The following EPB41L4B variants were observed in gnomAD, a reference collection of about 807,000 sequenced individuals.
EPB41L4B encodes the protein band 4.1-like protein 4B.
A neutral mutation model predicts 112.5 loss-of-function variants in EPB41L4B; 30 were observed. The observed-to-expected ratio is 0.27, with a 90% CI of 0.20 to 0.36. The LOEUF is 0.36. Among genes scored for constraint, EPB41L4B ranks in the 10% least tolerant of loss-of-function variants. The pLI is 1.00. For synonymous variants in EPB41L4B, 408 were observed against 439.7 expected (o/e 0.93, Z 0.90); for missense variants, 1,024 against 1,133.3 (o/e 0.90, Z 1.38).
chr9:109,289,174 C>G (rs527939674), intron 1 of EPB41L4B, among the ~76,000 whole-genome samples: 4 of 152,132 alleles, frequency 2.6e-5, no homozygotes, highest in Admixed American at 1.3e-4. Context: ...ACCCATCAAC[C>G]CTGCCTAACC....
chr9:109,222,631 C>T (rs1393728070), intron 15 of EPB41L4B, among the ~76,000 whole-genome samples: 1 of 152,166 alleles, frequency 6.6e-6, no homozygotes, highest in Non-Finnish European at 1.5e-5. Flanking sequence ...CATGAGACTC[C>T]TGGCATTCTG....
At chr9:109,287,253 G>T (rs1031865071) in intron 1 of EPB41L4B, among the ~76,000 whole-genome samples, 1 of 152,186 alleles carries the variant, frequency 6.6e-6, no homozygotes, top group African/African-American at 2.4e-5. Context: ...AAGGGAGACT[G>T]CTGGACAGCT....
At chr9:109,236,751 C>T (rs1203800329) in intron 15 of EPB41L4B, among the ~76,000 whole-genome samples, 2 of 152,244 alleles carry the variant, frequency 1.3e-5, no homozygotes, top group East Asian at 1.9e-4. Flanking sequence ...TTTTGATATC[C>T]CCAGGGTTTC....
intron 1 of EPB41L4B, among the ~76,000 whole-genome samples, chr9:109,314,411 T>C (rs1425193599): frequency 2.0e-5 from 3 of 152,226 alleles, no homozygotes; most frequent in Non-Finnish European, 2.9e-5. Context: ...AATGAGATTA[T>C]GCACGTGAAA....
At chr9:109,190,922 C>G (rs1832437513) in intron 22 of EPB41L4B, among the ~76,000 whole-genome samples, 1 of 152,190 alleles carries the variant, frequency 6.6e-6, no homozygotes, top group South Asian at 2.1e-4. Context: ...CTCCTTCCTC[C>G]CATGGATAAG....
chr9:109,266,861 C>T (rs956089750), intron 4 of EPB41L4B, among the ~76,000 whole-genome samples: 6 of 149,726 alleles, frequency 4.0e-5, no homozygotes, highest in African/African-American at 1.2e-4. Flanking sequence ...CCCATCTACT[C>T]GGGTGGCTGA....
intron 1 of EPB41L4B, among the ~76,000 whole-genome samples, chr9:109,319,497 C>G (rs1297425347): frequency 6.6e-6 from 1 of 152,208 alleles, no homozygotes; most frequent in Non-Finnish European, 1.5e-5. Flanking sequence ...GAGTTAGCTC[C>G]CAAGTCACCC....
chr9:109,276,048 A>AT (rs2119117947), intron 2 of EPB41L4B, among the ~76,000 whole-genome samples: 1 of 142,228 alleles, frequency 7.0e-6, no homozygotes, highest in South Asian at 2.2e-4. Flanking sequence ...TATATATATA[A>AT]AATATATGTA....
chr9:109,300,071 G>T (rs1299446383), intron 1 of EPB41L4B: 7 of 152,338 alleles, frequency 4.6e-5, no homozygotes, highest in Admixed American at 4.6e-4. Context: ...TGGGGCGGGG[G>T]ACAAAGTCAA....
chr9:109,317,348 G>T (rs2119295058), intron 1 of EPB41L4B, among the ~76,000 whole-genome samples: 1 of 152,234 alleles, frequency 6.6e-6, no homozygotes, highest in South Asian at 2.1e-4. Context: ...ACCCTGTCTG[G>T]GTGTGCCAGT....
At chr9:109,189,108 G>A (rs564493043) in intron 22 of EPB41L4B, among the ~76,000 whole-genome samples, 1 of 152,310 alleles carries the variant, frequency 6.6e-6, no homozygotes, top group South Asian at 2.1e-4. Flanking sequence ...AGCAGGTGCT[G>A]TCTTGACTCA....
chr9:109,273,968 G>A (rs143377270), intron 2 of EPB41L4B, among the ~76,000 whole-genome samples: 1 of 152,112 alleles, frequency 6.6e-6, no homozygotes, highest in Non-Finnish European at 1.5e-5. Context: ...ATGACATTCT[G>A]ACCAATCATT....
chr9:109,290,822 T>C (rs1281615061), intron 1 of EPB41L4B, among the ~76,000 whole-genome samples: 3 of 151,360 alleles, frequency 2.0e-5, no homozygotes, highest in Non-Finnish European at 4.4e-5. Context: ...TTGCCAACAC[T>C]GCTAAGCCGT....
chr9:109,192,819 C>A (rs912636460), intron 21 of EPB41L4B, among the ~76,000 whole-genome samples: 1 of 152,142 alleles, frequency 6.6e-6, no homozygotes, highest in African/African-American at 2.4e-5. Flanking sequence ...ATGTTTTGCC[C>A]TCCTGCTCTG....
At chr9:109,204,845 C>A (rs182522206) in intron 18 of EPB41L4B, among the ~76,000 whole-genome samples, 4 of 152,252 alleles carry the variant, frequency 2.6e-5, no homozygotes, top group African/African-American at 9.6e-5. Flanking sequence ...GTCTGTTTGA[C>A]TTCTGCTTCC....
intron 21 of EPB41L4B, 100 bp downstream of exon 21, chr9:109,194,120 T>C: frequency 1.5e-6 from 2 of 1,344,830 alleles, no homozygotes; most frequent in Non-Finnish European, 2.0e-6. Context: ...CACAATTGAT[T>C]ATGCAAAATT....
intron 1 of EPB41L4B, among the ~76,000 whole-genome samples, chr9:109,286,956 G>C (rs1836309969): frequency 6.6e-6 from 1 of 152,196 alleles, no homozygotes; most frequent in Admixed American, 6.5e-5. Context: ...TTGAGTTCTT[G>C]CATCAATGTT....
At chr9:109,264,671 G>A (rs981464507) in intron 5 of EPB41L4B, among the ~76,000 whole-genome samples, 5 of 152,104 alleles carry the variant, frequency 3.3e-5, no homozygotes, top group African/African-American at 9.7e-5. Flanking sequence ...TACTAATAAC[G>A]TATCTTGCTT....
chr9:109,302,130 T>A lies in EPB41L4B; in HGVS notation c.306+18011A>T, dbSNP rs187890323. ...TAAAAGCATGTAAAAACCATAGAGTTCTCTGCAGATGCAAAAGACACATAT... is the reference window on the plus strand; with the variant it reads ...TAAAAGCATGTAAAAACCATAGAGTACTCTGCAGATGCAAAAGACACATAT... On this transcript the variant is annotated intron_variant, in intron 1 of 25. Transcript: ENST00000374566. 2.6e-5 allele frequency among the ~76,000 whole-genome samples: 4 copies of A among 152,252 alleles called. No individual in the cohort carries two copies. In the East Asian group the frequency reaches 7.7e-4, roughly 29 times the overall value.
Sources: gnomAD v4.1 joint callset for allele counts (sites outside exome capture counted in the v4.1 genomes callset) on GRCh38, gnomAD v4.1.1 for gene constraint, MANE v1.5 for transcripts, NCBI Gene and HGNC (gene_info 2026-07-23, HGNC 2026-07-21) for gene names.